VAV1: variants seen among roughly 807,000 people sequenced by gnomAD.
VAV1 encodes proto-oncogene vav.
Under a neutral mutation model 128.1 loss-of-function variants are expected in VAV1, and 33 were observed. The observed-to-expected ratio is 0.26, with a 90% CI of 0.20 to 0.34. The LOEUF is 0.34. Among genes scored for constraint, VAV1 ranks in the 10% least tolerant of loss-of-function variants. The pLI, the probability that VAV1 is intolerant of heterozygous loss-of-function variation, is 1.00. For missense variants in VAV1, 715 were observed against 1,093.7 expected, an observed-to-expected ratio of 0.65 and a Z score of 4.88; for synonymous variants, 394 against 409.8, an observed-to-expected ratio of 0.96 and a Z score of 0.47.
At chr19:6,830,453 T>G (rs1421248183) in intron 14 of VAV1, among the ~76,000 whole-genome samples, 1 of 151,582 alleles carries the variant, frequency 6.6e-6, no homozygotes, top group Non-Finnish European at 1.5e-5. Flanking sequence ...TTTGTTGGTT[T>G]GTTTTTGAGA....
chr19:6,788,098 A>AAAC (rs1970935965), intron 1 of VAV1, among the ~76,000 whole-genome samples: 1 of 151,840 alleles, frequency 6.6e-6, no homozygotes, highest in African/African-American at 2.4e-5. Context: ...AACAAACAAA[A>AAAC]AAACATTAAA....
In VAV1 at chr19:6,842,087, G is replaced by A. The variant is rs760353890; in HGVS notation, c.1981-1048G>A. ...ACTAAAAATACAAAATTAGCCGGGCGTGGTGACACACACCTGTAATCCCAG... is the reference window on the plus strand; with the variant it reads ...ACTAAAAATACAAAATTAGCCGGGCATGGTGACACACACCTGTAATCCCAG... On this transcript the variant is annotated intron_variant, in intron 21 of 26. Transcript: ENST00000602142. 1.1e-4 allele frequency among the ~76,000 whole-genome samples: 16 copies of A among 152,086 alleles called. No homozygotes were observed. The East Asian group carries it at 1.2e-3, about 11-fold the overall frequency.
chr19:6,826,899 C>T lies in VAV1; in HGVS notation c.927+188C>T. ...ATGGAGAAGAACAGAAATGGGCTGGCCCTGGGTCTGGGCTGACCCCTGATA... is the reference window on the plus strand; with the variant it reads ...ATGGAGAAGAACAGAAATGGGCTGGTCCTGGGTCTGGGCTGACCCCTGATA... On this transcript the variant is annotated intron_variant, in intron 9 of 26. Coordinates refer to ENST00000602142, the MANE Select transcript of VAV1 (RefSeq NM_005428.4). The surrounding 1 kb of genome is among the most constrained non-coding windows in gnomAD (Gnocchi z 4.1). 4.9e-6 allele frequency: 3 copies of T among 614,658 alleles called. No individual in the cohort carries two copies. In the South Asian group the frequency reaches 5.4e-5, roughly 11 times the overall value. 38.1% of individuals were successfully genotyped at this position (614,658 alleles called of 1,614,324 possible).
chr19:6,853,799 C>T lies in VAV1; in HGVS notation c.2333-148C>T, dbSNP rs796719258. ...TGATGCTGGGAGTACAATTGTGTCCCCTTACAGTACAGGGCATCTAATACT... is the reference window on the plus strand; with the variant it reads ...TGATGCTGGGAGTACAATTGTGTCCTCTTACAGTACAGGGCATCTAATACT... On this transcript the variant is annotated intron_variant, in intron 25 of 26. Transcript: ENST00000602142. 3 of 928,742 alleles carry T rather than the reference C, an allele frequency of 3.2e-6. No individual in the cohort carries two copies. The African/African-American group carries it at 5.0e-5, about 16-fold the overall frequency. 57.5% of individuals were successfully genotyped at this position (928,742 alleles called of 1,614,324 possible). A position where few individuals can be genotyped will look rare whatever the true frequency, so the allele number is the denominator to read the frequency against.
chr19:6,793,821 C>A (rs1971069926), intron 1 of VAV1, among the ~76,000 whole-genome samples: 1 of 152,082 alleles, frequency 6.6e-6, no homozygotes, highest in African/African-American at 2.4e-5. Flanking sequence ...GTTTCCCTAT[C>A]TTTCAAATGG....
intron 16 of VAV1, 32 bp downstream of exon 16, chr19:6,833,317 G>A (rs367576818): frequency 2.5e-5 from 39 of 1,581,764 alleles, no homozygotes; most frequent in Middle Eastern, 1.7e-4. Context: ...CCTGCATACC[G>A]GACTTGGTCA....
At chr19:6,814,698 T>TCTCTCTCTCTCTCTCTCTC (rs1971599421) in intron 1 of VAV1, among the ~76,000 whole-genome samples, 1 of 131,436 alleles carries the variant, frequency 7.6e-6, no homozygotes, top group African/African-American at 3.3e-5. Flanking sequence ...CTTTCTTTCT[T>TCTCTCTCTCTCTCTCTCTC]TCTTTCTTTC....
At chr19:6,791,190 C>T (rs1006029955) in intron 1 of VAV1, among the ~76,000 whole-genome samples, 2 of 152,244 alleles carry the variant, frequency 1.3e-5, no homozygotes, top group Non-Finnish European at 2.9e-5. Flanking sequence ...GATACCTCCT[C>T]ATCTTGAAGT....
rs1222708239 is a variant in VAV1 at position 6,821,630 on chromosome 19, C to T, written c.330C>T (p.Tyr110=). The T allele has an allele frequency of 1.2e-6, 2 of 1,614,152 alleles. No homozygotes were observed. Among genetic ancestry groups the T allele is most frequent in the South Asian group, 1.1e-5 (1 of 91,088 alleles). ...FDVQDFGKVI[Y]TLSALSWTPI... ...CCACTGCCCCGTCACAGGTCATCTA[C>T]ACCCTGTCTGCTCTGTCCTGGACCC... The change falls in exon 3 of 27, where the codon TAC becomes TAT. Residue 110 remains tyrosine (Y), a synonymous_variant. Transcript: ENST00000602142.
chr19:6,842,260 C>T (rs1277905273), intron 21 of VAV1, among the ~76,000 whole-genome samples: 2 of 151,736 alleles, frequency 1.3e-5, no homozygotes, highest in Non-Finnish European at 1.5e-5. Flanking sequence ...ATAATAAATA[C>T]ATACATAAAA....
chr19:6,792,048 T>G (rs1971030953), intron 1 of VAV1, among the ~76,000 whole-genome samples: 1 of 151,990 alleles, frequency 6.6e-6, no homozygotes, highest in African/African-American at 2.4e-5. Flanking sequence ...TTTAAGCAGA[T>G]CAATTGTTTA....
intron 1 of VAV1, among the ~76,000 whole-genome samples, chr19:6,791,654 T>C (rs1407569010): frequency 4.6e-5 from 7 of 152,212 alleles, no homozygotes; most frequent in Non-Finnish European, 1.0e-4. Flanking sequence ...GGATTTGACC[T>C]GGATACATCT....
At chr19:6,812,358 C>T (rs1281770348) in intron 1 of VAV1, among the ~76,000 whole-genome samples, 1 of 152,080 alleles carries the variant, frequency 6.6e-6, no homozygotes, top group Admixed American at 6.6e-5. Context: ...GAGGTATTTT[C>T]CAGTTTCAAA....
intron 14 of VAV1, among the ~76,000 whole-genome samples, chr19:6,830,957 T>C (rs1282309284): frequency 6.6e-6 from 1 of 152,052 alleles, no homozygotes; most frequent in African/African-American, 2.4e-5. Flanking sequence ...CTGGGCTTGG[T>C]GGCACATGCC....
intron 21 of VAV1, among the ~76,000 whole-genome samples, chr19:6,842,414 C>G (rs1395900092): frequency 6.6e-6 from 1 of 152,148 alleles, no homozygotes; most frequent in Admixed American, 6.5e-5. Flanking sequence ...CCCTGTAGTG[C>G]AAAAGTAGCC....
chr19:6,823,817 C>T (rs1351707434), intron 6 of VAV1, among the ~76,000 whole-genome samples: 1 of 152,108 alleles, frequency 6.6e-6, no homozygotes, highest in Non-Finnish European at 1.5e-5. Flanking sequence ...ACATGTAATC[C>T]ACCCATTTAG....
At chr19:6,833,484 T>C in intron 16 of VAV1, 44 bp from the exon 17 acceptor site, 1 of 1,542,578 alleles carries the variant, frequency 6.5e-7, no homozygotes, top group Non-Finnish European at 8.8e-7. Context: ...TGGCCCTGTC[T>C]GTAAAGGTCA....
intron 1 of VAV1, among the ~76,000 whole-genome samples, chr19:6,816,105 C>T (rs1325769602): frequency 6.6e-5 from 10 of 151,020 alleles, no homozygotes; most frequent in African/African-American, 1.2e-4. Flanking sequence ...CTGCAAGCTC[C>T]GCCTCCTGGG....
chr19:6,824,100 G>C (rs144896120), intron 6 of VAV1, among the ~76,000 whole-genome samples: 2 of 151,796 alleles, frequency 1.3e-5, no homozygotes, highest in Non-Finnish European at 2.9e-5. Flanking sequence ...ACCACACCCT[G>C]CTTAATTCTT....
Sources: gnomAD v4.1 joint callset for allele counts (sites outside exome capture counted in the v4.1 genomes callset) on GRCh38, gnomAD v4.1.1 for gene constraint, Gnocchi (gnomAD v3.1) non-coding constraint, MANE v1.5 for transcripts, NCBI Gene and HGNC (gene_info 2026-07-23, HGNC 2026-07-21) for gene names.